NLRP4: variants seen among roughly 807,000 people sequenced by gnomAD.
NLRP4 encodes the protein NLR family pyrin domain containing 4.
A neutral mutation model predicts 84.7 loss-of-function variants in NLRP4; 44 were observed. The ratio of observed to expected loss-of-function variants is 0.52; its 90% CI spans 0.41 to 0.67. NLRP4 has a LOEUF of 0.67. NLRP4 is among the 30% of genes least tolerant of loss of function. The pLI is 0.00. For synonymous variants in NLRP4, 544 were observed against 476.4 expected (o/e 1.14, Z -1.85); for missense variants, 1,260 against 1,219.4 (o/e 1.03, Z -0.50).
intron 9 of NLRP4, among the ~76,000 whole-genome samples, chr19:55,881,242 C>T (rs1484416079): frequency 6.6e-6 from 1 of 151,632 alleles, no homozygotes; most frequent in Non-Finnish European, 1.5e-5. Context: ...GGAGAATTTA[C>T]ACCACAGAAA....
intron 2 of NLRP4, 43 bp downstream of exon 2, chr19:55,852,403 CT>C: frequency 5.7e-6 from 8 of 1,394,004 alleles, no homozygotes; most frequent in Non-Finnish European, 7.9e-6. Flanking sequence ...ATAATGAGGA[CT>C]ATGTCCTAAT....
At chr19:55,840,649 C>T (rs182096504) in intron 1 of NLRP4, among the ~76,000 whole-genome samples, 214 of 152,308 alleles carry the variant, frequency 1.4e-3, no homozygotes, top group Non-Finnish European at 2.4e-3. Context: ...CCGCCCACCT[C>T]GGCCTCCCAA....
intron 1 of NLRP4, among the ~76,000 whole-genome samples, chr19:55,847,403 C>T (rs1983838319): frequency 6.6e-6 from 1 of 152,044 alleles, no homozygotes; most frequent in African/African-American, 2.4e-5. Context: ...ATGAATGTTC[C>T]ACGTATGCTT....
intron 9 of NLRP4, among the ~76,000 whole-genome samples, chr19:55,880,367 G>A (rs536524382): frequency 3.9e-5 from 6 of 152,312 alleles, no homozygotes; most frequent in African/African-American, 4.8e-5. Flanking sequence ...TCTGAGTCAC[G>A]GAGGTCTGTG....
intron 1 of NLRP4, among the ~76,000 whole-genome samples, chr19:55,847,090 T>C (rs550585654): frequency 6.6e-6 from 1 of 152,140 alleles, no homozygotes; most frequent in Non-Finnish European, 1.5e-5. Context: ...TTTCCCCTAA[T>C]TTTTGGATCT....
At position 55,850,058 on chromosome 19, in the gene NLRP4, C is replaced by T. The variant is rs866143675; in HGVS notation, c.-65-1958C>T. ...GACTGCGGTGTGATTTCCGTAGCTG[C>T]GGTGGAATTTCCGAGACTGCGGTGT... On this transcript the variant is annotated intron_variant, in intron 1 of 9. Transcript: ENST00000301295. Among the ~76,000 whole-genome samples, 34 of 122,534 alleles carry T rather than the reference C, an allele frequency of 2.8e-4. 3 individuals carry two copies. Among genetic ancestry groups the T allele is most frequent in the African/African-American group, 8.5e-4 (19 of 22,298 alleles). The allele number at this position is 122,534 out of a possible 152,430, so 80.4% of individuals were successfully genotyped here.
At chr19:55,849,894 CCGGCGG>C (rs1983963658) in intron 1 of NLRP4, among the ~76,000 whole-genome samples, 1 of 15,674 alleles carries the variant, frequency 6.4e-5, no homozygotes, top group African/African-American at 2.0e-4. Context: ...ATTTCCGTGG[CCGGCGG>C]TGTAATTTCC....
In NLRP4 at chr19:55,861,469, A is replaced by ACAGCACCCT; in HGVS notation, c.1945_1953dup (p.Thr649_Ser651dup). On this transcript the variant is annotated inframe_insertion, in exon 4 of 10. Coordinates refer to ENST00000301295, the MANE Select transcript of NLRP4 (RefSeq NM_134444.5). The stretch of plus-strand genomic sequence containing the variant: ...CACCTCAGAGAGCTCCAGGTGCAGG[A>ACAGCACCCT]CAGCACCCTCAGCGAGTCGACCTTT... 6.2e-7 allele frequency: 1 copy of ACAGCACCCT among 1,614,034 alleles called. No individual in the cohort carries two copies. The highest frequency in any genetic ancestry group is 8.5e-7 in the Non-Finnish European group (1 of 1,179,900).
chr19:55,856,548 T>C (rs571434129), intron 2 of NLRP4, among the ~76,000 whole-genome samples: 3 of 142,724 alleles, frequency 2.1e-5, no homozygotes, highest in African/African-American at 7.9e-5. Context: ...CGGAGCCTCC[T>C]TCTGTTGCCC....
rs766831042 is a variant in NLRP4, at chr19:55,861,531, C to T, written c.2002C>T (p.Arg668Cys). 7.4e-6 allele frequency: 12 copies of T among 1,613,862 alleles called. No individual in the cohort carries two copies. Among genetic ancestry groups the T allele is most frequent in the East Asian group, 6.7e-5 (3 of 44,884 alleles). ...WCNQLRHPSCRLQKLGINNVS... is the reference protein window; with the variant it reads ...WCNQLRHPSCCLQKLGINNVS... Reference sequence around the variant, plus strand: ...TAACCAGCTGAGGCATCCCAGCTGTCGCCTTCAGAAGCTTGGGTGAGTTGA... The same window carrying T: ...TAACCAGCTGAGGCATCCCAGCTGTTGCCTTCAGAAGCTTGGGTGAGTTGA... Residue 668 changes from arginine (R) to cysteine (C), a missense_variant, in exon 4 of 10, where the codon CGC becomes TGC. Coordinates refer to ENST00000301295, the MANE Select transcript of NLRP4 (RefSeq NM_134444.5).
At chr19:55,863,218 C>T (rs1461545737) in intron 5 of NLRP4, among the ~76,000 whole-genome samples, 3 of 152,192 alleles carry the variant, frequency 2.0e-5, no homozygotes, top group Admixed American at 6.5e-5. Flanking sequence ...AGAGTACATC[C>T]TATGGCTTTA....
chr19:55,873,316 G>A (rs1000056240), intron 7 of NLRP4, among the ~76,000 whole-genome samples: 4 of 151,888 alleles, frequency 2.6e-5, no homozygotes, highest in Non-Finnish European at 4.4e-5. Flanking sequence ...ATATAAAGGG[G>A]TAAATTAAGG....
At position 55,868,774 on chromosome 19, in the gene NLRP4, A is replaced by T. The variant is rs181051691; in HGVS notation, c.2354+898A>T. 3.0e-3 allele frequency among the ~76,000 whole-genome samples: 457 copies of T among 152,294 alleles called. 2 individuals carry two copies. The highest frequency in any genetic ancestry group is 0.01 in the African/African-American group (434 of 41,556). ...ATATCACTGGAAGAAATAGTATTAT[A>T]ATATAGGCTGCCTGTGAGAAATAGA... On this transcript the variant is annotated intron_variant, in intron 6 of 9. Coordinates refer to ENST00000301295, the MANE Select transcript of NLRP4 (RefSeq NM_134444.5).
intron 8 of NLRP4, among the ~76,000 whole-genome samples, chr19:55,878,382 T>C (rs1402365512): frequency 1.3e-5 from 2 of 152,198 alleles, no homozygotes; most frequent in Non-Finnish European, 2.9e-5. Flanking sequence ...GTCATGCTGC[T>C]GCACTTCAGC....
rs74838343 is a variant in NLRP4 at position 55,877,873 on chromosome 19, A to G, written c.2696+707A>G. Among the ~76,000 whole-genome samples, 9 of 152,264 alleles carry G rather than the reference A, an allele frequency of 5.9e-5. No homozygotes were observed. The East Asian group carries it at 1.7e-3, about 29-fold the overall frequency. Reference sequence around the variant, plus strand: ...GCCTCTATAAAGACCTTGTATCCAAATATGATCACATTTTGGGGTACTGGG... The same window carrying G: ...GCCTCTATAAAGACCTTGTATCCAAGTATGATCACATTTTGGGGTACTGGG... On this transcript the variant is annotated intron_variant, in intron 8 of 9. Transcript: ENST00000301295.
chr19:55,845,418 G>A, intron 1 of NLRP4, among the ~76,000 whole-genome samples: 1 of 150,682 alleles, frequency 6.6e-6, no homozygotes, highest in Admixed American at 6.7e-5. Context: ...TCTTAATCCA[G>A]TCTATCATTG....
rs760368282 is a variant in NLRP4 at position 55,870,916 on chromosome 19, G to A, written c.2444G>A (p.Ser815Asn). 16 of 1,614,064 alleles carry A rather than the reference G, an allele frequency of 9.9e-6. No individual in the cohort carries two copies. Among genetic ancestry groups the A allele is most frequent in the Non-Finnish European group, 1.4e-5 (16 of 1,179,922 alleles). The change falls in exon 7 of 10, where the codon AGT becomes AAT. Residue 815 changes from serine (S) to asparagine (N), a missense_variant. By Grantham distance (46) the Ser-to-Asn change is conservative. This residue lies in a region of NLRP4 where 544 missense variants were observed against 531.7 expected (regional missense o/e 1.02). Transcript: ENST00000301295. ...RNKSVRYLDL[S>N]ANVLKDEGLK... ...AAGAGCGTGCGCTATCTAGACCTCA[G>A]TGCCAATGTCCTGAAGGACGAAGGA... is the stretch of plus-strand genomic sequence containing the variant.
At chr19:55,878,077 A>G (rs988418807) in intron 8 of NLRP4, among the ~76,000 whole-genome samples, 3 of 152,158 alleles carry the variant, frequency 2.0e-5, no homozygotes, top group Admixed American at 1.3e-4. Flanking sequence ...CTAGGAGTTC[A>G]AGAACAGGCT....
chr19:55,868,844 T>C (rs1985063716), intron 6 of NLRP4, among the ~76,000 whole-genome samples: 1 of 152,150 alleles, frequency 6.6e-6, no homozygotes, highest in Admixed American at 6.5e-5. Flanking sequence ...TTTTCCCTCT[T>C]TATACTTTTG....
Sources: gnomAD v4.1 joint callset for allele counts (sites outside exome capture counted in the v4.1 genomes callset) on GRCh38, gnomAD v4.1.1 for gene constraint, gnomAD v4.1.1 regional missense constraint, MANE v1.5 for transcripts, NCBI Gene and HGNC (gene_info 2026-07-23, HGNC 2026-07-21) for gene names.